SORCS3: variants seen among roughly 807,000 people sequenced by gnomAD.
The protein encoded by SORCS3 is VPS10 domain-containing receptor SorCS3.
In SORCS3, 57 loss-of-function variants were observed where a neutral mutation model predicts 146.3. The observed-to-expected ratio is 0.39, with a 90% confidence interval of 0.31 to 0.49. The LOEUF (loss-of-function observed/expected upper bound fraction) is 0.49, where lower values mean the gene tolerates loss of function less well. Ranked by LOEUF, SORCS3 falls within the 20% of genes least tolerant of loss-of-function variation. SORCS3 has a pLI of 0.92. For missense variants in SORCS3, 1,341 were observed against 1,575.5 expected, an observed-to-expected ratio of 0.85 and a Z score of 2.52; for synonymous variants, 653 against 618.5, an observed-to-expected ratio of 1.06 and a Z score of -0.83.
chr10:104,725,240 A>T (rs1426963891), intron 1 of SORCS3, among the ~76,000 whole-genome samples: 2 of 152,130 alleles, frequency 1.3e-5, no homozygotes, highest in Admixed American at 1.3e-4. Flanking sequence ...CTGGAGGTCC[A>T]CTCCAGACCC....
intron 4 of SORCS3, among the ~76,000 whole-genome samples, chr10:104,984,782 C>A (rs2054952558): frequency 6.6e-6 from 1 of 152,088 alleles, no homozygotes; most frequent in Non-Finnish European, 1.5e-5. Flanking sequence ...GTCATGTGAA[C>A]TTTTTGGTTT....
chr10:104,807,418 A>G (rs766388288), intron 1 of SORCS3, among the ~76,000 whole-genome samples: 1 of 152,218 alleles, frequency 6.6e-6, no homozygotes, highest in Non-Finnish European at 1.5e-5. Flanking sequence ...TGGAGAGAGT[A>G]TCTACCATTT....
At chr10:105,155,280 G>A (rs140163394) in intron 9 of SORCS3, among the ~76,000 whole-genome samples, 2,059 of 152,320 alleles carry the variant, frequency 0.014, 16 homozygotes, top group Non-Finnish European at 0.02. Flanking sequence ...TTTCTGTGAT[G>A]CATTGAGCTG....
chr10:105,150,677 A>T (rs958696116), intron 9 of SORCS3, among the ~76,000 whole-genome samples: 2 of 152,226 alleles, frequency 1.3e-5, no homozygotes, highest in Admixed American at 1.3e-4. Flanking sequence ...TGAATTTCAG[A>T]TTCTAGAAAA....
intron 4 of SORCS3, among the ~76,000 whole-genome samples, chr10:104,999,916 T>G (rs2055050725): frequency 6.6e-6 from 1 of 152,154 alleles, no homozygotes; most frequent in Non-Finnish European, 1.5e-5. Context: ...CAGATGAGTT[T>G]CCTTTCTCTG....
chr10:104,991,434 C>T (rs2054993295), intron 4 of SORCS3, among the ~76,000 whole-genome samples: 1 of 151,944 alleles, frequency 6.6e-6, no homozygotes, highest in African/African-American at 2.4e-5. Context: ...AAGATCTTTC[C>T]TCTATGTTTG....
At chr10:104,868,234 G>C (rs1484804047) in intron 2 of SORCS3, among the ~76,000 whole-genome samples, 1 of 152,174 alleles carries the variant, frequency 6.6e-6, no homozygotes, top group African/African-American at 2.4e-5. Flanking sequence ...TGTAAATAAC[G>C]TGTGCAGCTA....
intron 1 of SORCS3, among the ~76,000 whole-genome samples, chr10:104,701,993 G>A (rs897616122): frequency 2.0e-5 from 3 of 152,114 alleles, no homozygotes; most frequent in Non-Finnish European, 2.9e-5. Context: ...GTGGGCCACC[G>A]GGTGAGCTAC....
chr10:104,964,473 T>A (rs2054815526), intron 3 of SORCS3, among the ~76,000 whole-genome samples: 1 of 152,190 alleles, frequency 6.6e-6, no homozygotes, highest in Non-Finnish European at 1.5e-5. Flanking sequence ...TATTTGTCTA[T>A]CTGTTGTTTA....
At position 104,765,513 on chromosome 10, in the gene SORCS3, C is replaced by T. The variant is rs535055809; in HGVS notation, c.628-77279C>T. ...TGATGTATAACGTACATGAAAACAC[C>T]CAGTGGCTGGTACACAGCAGGTATT... On this transcript the variant is annotated intron_variant, in intron 1 of 26. Coordinates refer to ENST00000369701, the MANE Select transcript of SORCS3 (RefSeq NM_014978.3). Among the ~76,000 whole-genome samples, 78 of 152,218 alleles carry T rather than the reference C, an allele frequency of 5.1e-4. No homozygotes were observed. In the South Asian group the frequency reaches 5.6e-3, roughly 11 times the overall value.
chr10:104,729,020 GT>G, intron 1 of SORCS3, among the ~76,000 whole-genome samples: 1 of 152,306 alleles, frequency 6.6e-6, no homozygotes, highest in East Asian at 1.9e-4. Context: ...GAGTGGGAAT[GT>G]TCTGAAAGAC....
chr10:105,077,468 C>T (rs2055595787), intron 5 of SORCS3, among the ~76,000 whole-genome samples: 1 of 150,922 alleles, frequency 6.6e-6, no homozygotes, highest in Non-Finnish European at 1.5e-5. Flanking sequence ...TGAGCAACTT[C>T]CTAGGGGGTG....
intron 5 of SORCS3, among the ~76,000 whole-genome samples, chr10:105,062,000 A>G (rs1177884843): frequency 6.6e-6 from 1 of 152,188 alleles, no homozygotes; most frequent in Non-Finnish European, 1.5e-5. Flanking sequence ...ACTTAGGATA[A>G]ATTCCTGGGA....
At chr10:104,940,234 ATATATT>A (rs1264352064) in intron 3 of SORCS3, among the ~76,000 whole-genome samples, 18 of 24,244 alleles carry the variant, frequency 7.4e-4, no homozygotes, top group South Asian at 2.9e-3. Context: ...ATATATATAT[ATATATT>A]TTTTTTTTTT....
In SORCS3 at chr10:104,925,139, A is replaced by C. The variant is rs148287738; in HGVS notation, c.795+9207A>C. Among the ~76,000 whole-genome samples, 1,348 of 152,212 alleles carry C rather than the reference A, an allele frequency of 8.9e-3. 20 individuals carry two copies. The highest frequency in any genetic ancestry group is 0.031 in the African/African-American group (1,276 of 41,544). The stretch of plus-strand genomic sequence containing the variant: ...GTGTTCTCATTATTTAACTCCCACT[A>C]TGAGTGAGAACATGCGATGTTTGAT... On this transcript the variant is annotated intron_variant, in intron 3 of 26. Transcript: ENST00000369701.
intron 5 of SORCS3, among the ~76,000 whole-genome samples, chr10:105,062,759 C>A (rs907460597): frequency 1.3e-5 from 2 of 152,226 alleles, no homozygotes; most frequent in Non-Finnish European, 2.9e-5. Flanking sequence ...CTGAACCCCA[C>A]CCTTGATTGT....
At chr10:105,142,795 C>T (rs1418869) in intron 8 of SORCS3, among the ~76,000 whole-genome samples, 77,125 of 151,950 alleles carry the variant, frequency 0.51, 19,862 homozygotes, top group Admixed American at 0.55. Flanking sequence ...ATAAAATCTC[C>T]TCTTACCTAA....
chr10:105,055,109 T>G (rs904583172), intron 5 of SORCS3, among the ~76,000 whole-genome samples: 4 of 152,176 alleles, frequency 2.6e-5, no homozygotes, highest in Admixed American at 2.0e-4. Flanking sequence ...TGTGAGTTCC[T>G]TAGTAAAGTT....
chr10:105,068,940 A>G (rs1184751279), intron 5 of SORCS3, among the ~76,000 whole-genome samples: 1 of 152,224 alleles, frequency 6.6e-6, no homozygotes, highest in East Asian at 1.9e-4. Flanking sequence ...GCAGGATTTC[A>G]TTAAAGATTA....
Sources: allele counts gnomAD v4.1 joint callset (sites outside exome capture counted in the v4.1 genomes callset), GRCh38; gene constraint gnomAD v4.1.1; transcripts MANE v1.5; gene names NCBI Gene and HGNC (gene_info 2026-07-23, HGNC 2026-07-21).